FBXL17: variants seen among roughly 807,000 people sequenced by gnomAD.
FBXL17 encodes F-box/LRR-repeat protein 17.
Under a neutral mutation model 66.2 loss-of-function variants are expected in FBXL17, and 22 were observed. The observed-to-expected ratio is 0.33, with a 90% CI of 0.24 to 0.47. The LOEUF (loss-of-function observed/expected upper bound fraction) is 0.47, where lower values mean the gene tolerates loss of function less well. Ranked by LOEUF, FBXL17 falls within the 20% of genes least tolerant of loss-of-function variation. The pLI is 1.00. For synonymous variants in FBXL17, 474 were observed against 400.5 expected (o/e 1.18, Z -2.19); for missense variants, 878 against 948.2 (o/e 0.93, Z 0.97).
intron 4 of FBXL17, among the ~76,000 whole-genome samples, chr5:108,288,600 T>C (rs1757994414): frequency 6.6e-6 from 1 of 151,806 alleles, no homozygotes; most frequent in Non-Finnish European, 1.5e-5. Flanking sequence ...ATTGGAAGGA[T>C]GGGAAGAGAA....
chr5:108,208,192 C>A (rs536953054), intron 5 of FBXL17, among the ~76,000 whole-genome samples: 2 of 152,204 alleles, frequency 1.3e-5, no homozygotes, highest in South Asian at 2.1e-4. Context: ...TGTTTAAGTT[C>A]TTTGTAGATT....
chr5:108,197,277 T>C (rs1753717804), intron 5 of FBXL17, among the ~76,000 whole-genome samples: 1 of 152,182 alleles, frequency 6.6e-6, no homozygotes, highest in African/African-American at 2.4e-5. Context: ...ACTGTTTCAC[T>C]TAAAGAAGAA....
At chr5:107,983,780 T>A (rs1315822119) in intron 7 of FBXL17, among the ~76,000 whole-genome samples, 1 of 152,126 alleles carries the variant, frequency 6.6e-6, no homozygotes, top group Admixed American at 6.5e-5. Context: ...TTTGGGTAGA[T>A]GCATCATACT....
At chr5:108,289,377 G>A (rs1238812213) in intron 4 of FBXL17, among the ~76,000 whole-genome samples, 1 of 152,052 alleles carries the variant, frequency 6.6e-6, no homozygotes, top group African/African-American at 2.4e-5. Context: ...TGGTGTTAAA[G>A]GAATAGCTCA....
intron 6 of FBXL17, among the ~76,000 whole-genome samples, chr5:108,044,126 T>C (rs960355697): frequency 7.2e-5 from 11 of 152,140 alleles, no homozygotes; most frequent in Non-Finnish European, 1.3e-4. Context: ...CGGTCATCTG[T>C]AAATAGGGGC....
At chr5:108,261,179 A>G (rs183172038) in intron 4 of FBXL17, among the ~76,000 whole-genome samples, 16 of 152,214 alleles carry the variant, frequency 1.1e-4, no homozygotes, top group African/African-American at 3.8e-4. Context: ...ATAATAATAT[A>G]AAACAACATG....
At chr5:108,154,040 T>C (rs1028771933) in intron 6 of FBXL17, among the ~76,000 whole-genome samples, 3 of 151,922 alleles carry the variant, frequency 2.0e-5, no homozygotes, top group African/African-American at 7.3e-5. Flanking sequence ...TGCCAACAAA[T>C]AGCCCAAATG....
intron 6 of FBXL17, among the ~76,000 whole-genome samples, chr5:108,107,010 A>C (rs773960790): frequency 2.6e-5 from 4 of 152,216 alleles, no homozygotes; most frequent in Non-Finnish European, 5.9e-5. Flanking sequence ...GAAAACAAGA[A>C]AAATGGAAAA....
intron 4 of FBXL17, among the ~76,000 whole-genome samples, chr5:108,296,640 T>A: frequency 6.6e-6 from 1 of 151,784 alleles, no homozygotes; most frequent in East Asian, 1.9e-4. Context: ...GCCTTCTATA[T>A]CTAGTCTTAA....
At chr5:107,871,761 A>AAAC (rs1228601033) in intron 8 of FBXL17, among the ~76,000 whole-genome samples, 12 of 152,182 alleles carry the variant, frequency 7.9e-5, no homozygotes, top group Middle Eastern at 3.4e-3. Context: ...AAAAAAAAAA[A>AAAC]AACAACAACA....
chr5:107,966,374 C>T (rs1028069882), intron 7 of FBXL17, among the ~76,000 whole-genome samples: 1 of 152,158 alleles, frequency 6.6e-6, no homozygotes, highest in Non-Finnish European at 1.5e-5. Context: ...AGCCCTGAGG[C>T]TCTCTAATTC....
chr5:108,253,132 T>C lies in FBXL17; in HGVS notation c.1507-28904A>G, dbSNP rs549168174. Among the ~76,000 whole-genome samples the C allele has an allele frequency of 1.4e-3, 216 of 152,256 alleles. 2 individuals are homozygous for C. Among genetic ancestry groups the C allele is most frequent in the Non-Finnish European group, 1.9e-3 (126 of 68,006 alleles). ...ATTGTAACCGCATGATCAAAGTAAC[T>C]GTTAAAGTTAATGAAGAGAAGAAAA... On this transcript the variant is annotated intron_variant, in intron 4 of 8. Coordinates refer to ENST00000542267, the MANE Select transcript of FBXL17 (RefSeq NM_001163315.3).
At chr5:107,993,074 T>G (rs984180620) in intron 7 of FBXL17, among the ~76,000 whole-genome samples, 1 of 152,144 alleles carries the variant, frequency 6.6e-6, no homozygotes, top group Non-Finnish European at 1.5e-5. Context: ...TTTTTGTATT[T>G]TTAGTAGAGA....
At chr5:107,961,400 A>T (rs1213232965) in intron 7 of FBXL17, among the ~76,000 whole-genome samples, 1 of 150,642 alleles carries the variant, frequency 6.6e-6, no homozygotes, top group East Asian at 2.0e-4. Context: ...AATTTTTGTA[A>T]TTTTTTTGGT....
chr5:108,072,347 G>A (rs924753566), intron 6 of FBXL17, among the ~76,000 whole-genome samples: 1 of 152,192 alleles, frequency 6.6e-6, no homozygotes, highest in Admixed American at 6.5e-5. Context: ...GTTATTACCA[G>A]AAATTAAAGT....
chr5:108,314,486 T>C (rs970773883), intron 4 of FBXL17, among the ~76,000 whole-genome samples: 3 of 151,684 alleles, frequency 2.0e-5, no homozygotes, highest in Non-Finnish European at 4.4e-5. Context: ...TTCATTCATA[T>C]GGTTGCCATA....
intron 5 of FBXL17, among the ~76,000 whole-genome samples, chr5:108,214,160 T>C (rs1388200677): frequency 6.6e-6 from 1 of 152,168 alleles, no homozygotes; most frequent in East Asian, 1.9e-4. Flanking sequence ...TTGTGCCTAG[T>C]TGATGAATTA....
At chr5:107,920,781 C>A (rs1339818926) in intron 7 of FBXL17, among the ~76,000 whole-genome samples, 1 of 152,044 alleles carries the variant, frequency 6.6e-6, no homozygotes, top group Non-Finnish European at 1.5e-5. Flanking sequence ...CTGCAATAAA[C>A]CTGTTGAACA....
At chr5:108,250,745 G>A (rs1756313661) in intron 4 of FBXL17, among the ~76,000 whole-genome samples, 1 of 152,080 alleles carries the variant, frequency 6.6e-6, no homozygotes, top group African/African-American at 2.4e-5. Flanking sequence ...ACACTGTTAT[G>A]TTTCTTGTAC....
Sources: allele counts gnomAD v4.1 joint callset (sites outside exome capture counted in the v4.1 genomes callset), GRCh38; gene constraint gnomAD v4.1.1; transcripts MANE v1.5; gene names NCBI Gene and HGNC (gene_info 2026-07-23, HGNC 2026-07-21).